The following SNRNP35 variants were observed in gnomAD, a reference collection of about 807,000 sequenced individuals.
SNRNP35 encodes the protein U11/U12 small nuclear ribonucleoprotein 35 kDa protein.
In SNRNP35, 16 loss-of-function variants were observed where a neutral mutation model predicts 24.3. The ratio of observed to expected loss-of-function variants is 0.66; its 90% CI spans 0.45 to 1.00. The LOEUF is 1.00. Ranked by LOEUF, SNRNP35 falls within the 50% of genes least tolerant of loss-of-function variation. SNRNP35 has a pLI of 0.00. For missense variants in SNRNP35, 292 were observed against 327.2 expected (o/e 0.89, Z 0.83); for synonymous variants, 106 against 124.8 (o/e 0.85, Z 1.00).
Position 123,466,101 on chromosome 12 carries a change from T to C in SNRNP35, c.561T>C (p.Ser187=), listed in dbSNP as rs990492597. ...REGKRERRER[S]RSRERHWDSR... ...GAAAACGGGAAAGGCGGGAGCGATCTCGATCCCGAGAAAGACACTGGGACT... is the reference window on the plus strand; with the variant it reads ...GAAAACGGGAAAGGCGGGAGCGATCCCGATCCCGAGAAAGACACTGGGACT... Residue 187 remains serine (S), a synonymous_variant, in exon 2 of 2, where the codon TCT becomes TCC. Coordinates refer to ENST00000526639, the MANE Select transcript of SNRNP35 (RefSeq NM_022717.4). The C allele has an allele frequency of 1.2e-6, 2 of 1,612,172 alleles. No individual in the cohort carries two copies. Among genetic ancestry groups the C allele is most frequent in the African/African-American group, 1.3e-5 (1 of 74,654 alleles).
At chr12:123,469,428 C>T (rs146126835), downstream of SNRNP35, among the ~76,000 whole-genome samples, 635 of 152,254 alleles carry the variant, frequency 4.2e-3, 4 homozygotes, top group African/African-American at 0.014. Context: ...GCTGGGATTA[C>T]AGGTATGAAC....
intron 1 of SNRNP35, among the ~76,000 whole-genome samples, chr12:123,462,013 C>G (rs1450825653): frequency 6.6e-6 from 1 of 152,160 alleles, no homozygotes; most frequent in Non-Finnish European, 1.5e-5. Flanking sequence ...AGCCACTGCG[C>G]CGGGCCAGTT....
downstream of SNRNP35, chr12:123,470,636 TAGTC>T (rs1881146742): frequency 6.6e-6 from 1 of 151,904 alleles, no homozygotes; most frequent in Admixed American, 6.6e-5. Context: ...ATACAAAAAT[TAGTC>T]AGGTATGGTG....
Position 123,458,181 on chromosome 12 carries a change from C to T in SNRNP35, c.-39C>T, listed in dbSNP as rs1202305511. The stretch of plus-strand genomic sequence containing the variant: ...TCTGCTGTCGCCTGCAGCTGCTCGC[C>T]TGTCTCCGTCGGAAGGGAGCCCAAG... On this transcript the variant is annotated 5_prime_UTR_variant, in exon 1 of 2. Coordinates refer to ENST00000526639, the MANE Select transcript of SNRNP35 (RefSeq NM_022717.4). 1 of 985,482 alleles carries T rather than the reference C, an allele frequency of 1.0e-6. No individual in the cohort carries two copies. The highest frequency in any genetic ancestry group is 4.7e-5 in the South Asian group (1 of 21,290). The allele number at this position is 985,482 out of a possible 1,614,324, so 61.0% of individuals were successfully genotyped here.
chr12:123,460,406 C>T (rs1053939844), intron 1 of SNRNP35, among the ~76,000 whole-genome samples: 4 of 151,858 alleles, frequency 2.6e-5, no homozygotes, highest in Non-Finnish European at 5.9e-5. Context: ...TGACCTTTTT[C>T]ATCTGAAAAG....
At chr12:123,472,774 C>T in exon 2 of SNRNP35, 5 of 1,364,464 alleles carry the variant, frequency 3.7e-6, no homozygotes, top group Non-Finnish European at 5.0e-6. Flanking sequence ...TAGCAGCAAA[C>T]TTAGAAGGGA....
downstream of SNRNP35, among the ~76,000 whole-genome samples, chr12:123,467,237 C>T (rs1428280116): frequency 6.6e-6 from 1 of 152,236 alleles, no homozygotes; most frequent in Non-Finnish European, 1.5e-5. Flanking sequence ...GCCAGGTCAG[C>T]ATTCTTGAAC....
chr12:123,458,664 C>T (rs1880423848), intron 1 of SNRNP35, among the ~76,000 whole-genome samples: 1 of 148,732 alleles, frequency 6.7e-6, no homozygotes, highest in African/African-American at 2.5e-5. Flanking sequence ...GGTGCGATCT[C>T]GGTTCACTGC....
intron 1 of SNRNP35, among the ~76,000 whole-genome samples, chr12:123,463,712 T>A (rs958772721): frequency 6.6e-6 from 1 of 151,788 alleles, no homozygotes; most frequent in African/African-American, 2.4e-5. Context: ...TTTGTTTTGT[T>A]TTTTTTCTTA....
At chr12:123,467,255 C>G (rs1881020152), downstream of SNRNP35, among the ~76,000 whole-genome samples, 1 of 152,238 alleles carries the variant, frequency 6.6e-6, no homozygotes, top group Non-Finnish European at 1.5e-5. Flanking sequence ...AACAAATGCA[C>G]TTCCATTCTC....
At chr12:123,470,501 C>T (rs1041048745), downstream of SNRNP35, 5 of 152,206 alleles carry the variant, frequency 3.3e-5, 1 homozygote, top group Admixed American at 2.0e-4. Flanking sequence ...AAAGGCCAGC[C>T]ACAGTGGCTC....
exon 2 of SNRNP35, chr12:123,472,352 CA>C: frequency 1.7e-6 from 1 of 594,514 alleles, no homozygotes; most frequent in Non-Finnish European, 2.9e-6. Context: ...TATAAATAAA[CA>C]TTTCTTTAGA....
At chr12:123,471,401 T>G (rs1165468464), downstream of SNRNP35, 1 of 152,184 alleles carries the variant, frequency 6.6e-6, no homozygotes, top group Non-Finnish European at 1.5e-5. Context: ...CAAACTTCAG[T>G]AGAATGTTTA....
downstream of SNRNP35, among the ~76,000 whole-genome samples, chr12:123,469,462 G>A (rs967942074): frequency 1.3e-5 from 2 of 151,286 alleles, no homozygotes; most frequent in South Asian, 2.1e-4. Context: ...CATGAGAGCC[G>A]CTGTCTTATG....
At chr12:123,469,886 A>T (rs200270488), downstream of SNRNP35, among the ~76,000 whole-genome samples, 1 of 147,534 alleles carries the variant, frequency 6.8e-6, no homozygotes, top group Non-Finnish European at 1.5e-5. Flanking sequence ...AAAAAAAAAA[A>T]GGAGGGCCAG....
chr12:123,462,364 T>G (rs1279243261), intron 1 of SNRNP35, among the ~76,000 whole-genome samples: 1 of 152,092 alleles, frequency 6.6e-6, no homozygotes, highest in African/African-American at 2.4e-5. Flanking sequence ...GGCTGGAGAA[T>G]TAGGGCATAT....
At chr12:123,468,290 C>T (rs372943296), downstream of SNRNP35, among the ~76,000 whole-genome samples, 25 of 138,128 alleles carry the variant, frequency 1.8e-4, no homozygotes, top group East Asian at 1.3e-3. Context: ...ACCCAGGAGG[C>T]GGAGGTTGCA....
Position 123,465,735 on chromosome 12 carries a change from C to T in SNRNP35, c.195C>T (p.Asp65=). ...VARLNLQTKE[D]KLKEVFSRYG... ...GACTAAACTTGCAGACCAAGGAGGA[C>T]AAATTAAAGGAAGTCTTTTCCCGCT... The change falls in exon 2 of 2, where the codon GAC becomes GAT. Residue 65 remains aspartate, a synonymous_variant. Transcript: ENST00000526639. The surrounding 1 kb of genome is among the most constrained non-coding windows in gnomAD (Gnocchi z 4.2). 6.2e-7 allele frequency: 1 copy of T among 1,613,814 alleles called. No homozygotes were observed. The highest frequency in any genetic ancestry group is 1.1e-5 in the South Asian group (1 of 91,052).
chr12:123,466,215 GGAGA>G lies in SNRNP35; in HGVS notation c.683_686del (p.Glu228GlyfsTer44). ...CCAGGGTGTGGCCCGACAATGACTG[GGAGA>G]GAGAGAGGGACTTCAGAGATGACAG... On this transcript the variant is annotated frameshift_variant, in exon 2 of 2. Transcript: ENST00000526639. LOFTEE classifies it high-confidence loss of function. 6.4e-7 allele frequency: 1 copy of G among 1,565,610 alleles called. No individual in the cohort carries two copies. Among genetic ancestry groups the G allele is most frequent in the Non-Finnish European group, 8.6e-7 (1 of 1,160,100 alleles).
Sources: gnomAD v4.1 joint callset for allele counts (sites outside exome capture counted in the v4.1 genomes callset) on GRCh38, gnomAD v4.1.1 for gene constraint, Gnocchi (gnomAD v3.1) non-coding constraint, MANE v1.5 for transcripts, NCBI Gene and HGNC (gene_info 2026-07-23, HGNC 2026-07-21) for gene names.